TBL1XR1: variants seen among roughly 807,000 people sequenced by gnomAD.
TBL1XR1 encodes F-box-like/WD repeat-containing protein TBL1XR1.
A neutral mutation model predicts 66.9 loss-of-function variants in TBL1XR1; 5 were observed. The observed-to-expected ratio is 0.07, with a 90% confidence interval of 0.04 to 0.16. TBL1XR1 has a LOEUF of 0.16. Ranked by LOEUF, TBL1XR1 falls within the 10% of genes least tolerant of loss-of-function variation. The probability of loss-of-function intolerance (pLI) is 1.00; values close to 1 mark genes in which losing one functional copy is unlikely to be tolerated. For missense variants in TBL1XR1, 238 were observed against 623.2 expected, an observed-to-expected ratio of 0.38 and a Z score of 6.58; for synonymous variants, 210 against 206.0, an observed-to-expected ratio of 1.02 and a Z score of -0.17.
Position 177,051,512 on chromosome 3 carries a change from G to C in TBL1XR1, c.419C>G (p.Thr140Ser). The C allele has an allele frequency of 1.2e-6, 2 of 1,610,668 alleles. No homozygotes were observed. The highest frequency in any genetic ancestry group is 1.7e-6 in the Non-Finnish European group (2 of 1,178,762). The change falls in exon 5 of 16, where the codon ACT becomes AGT. Residue 140 changes from threonine to serine, a missense_variant. By Grantham distance (58) the Thr-to-Ser change is moderately conservative. This residue lies in a region of TBL1XR1 where 80 missense variants were observed against 100.5 expected (regional missense o/e 0.80). Transcript: ENST00000457928. ...TTCTTGTCTGAGCTCACTTGCTATA[G>C]TATGTGCTCCATTCTCCTCCCCATT... ...TANGEENGAH[T>S]IANNHTDMME...
intron 2 of TBL1XR1, among the ~76,000 whole-genome samples, chr3:177,096,569 C>G (rs1385328329): frequency 6.6e-6 from 1 of 152,128 alleles, no homozygotes; most frequent in Non-Finnish European, 1.5e-5. Flanking sequence ...ACTGGTTTGA[C>G]TGCCAAGGGA....
intron 1 of TBL1XR1, among the ~76,000 whole-genome samples, chr3:177,109,277 G>C (rs1046766141): frequency 6.6e-6 from 1 of 151,904 alleles, no homozygotes; most frequent in African/African-American, 2.4e-5. Flanking sequence ...CAGAAACAAA[G>C]AACCTGCACA....
At chr3:177,030,785 C>CA (rs1440957209) in intron 14 of TBL1XR1, among the ~76,000 whole-genome samples, 1 of 152,192 alleles carries the variant, frequency 6.6e-6, no homozygotes, top group African/African-American at 2.4e-5. Context: ...TCACTTTCAT[C>CA]AACTCTGTAA....
At chr3:177,098,828 T>A (rs771896460) in intron 1 of TBL1XR1, among the ~76,000 whole-genome samples, 10 of 152,234 alleles carry the variant, frequency 6.6e-5, no homozygotes, top group Non-Finnish European at 1.3e-4. Flanking sequence ...TCAACTCATG[T>A]AAATATTATT....
At chr3:177,188,907 C>T (rs1230733291) in intron 1 of TBL1XR1, among the ~76,000 whole-genome samples, 1 of 152,174 alleles carries the variant, frequency 6.6e-6, no homozygotes, top group African/African-American at 2.4e-5. Context: ...ACATTCTATA[C>T]ATAAATATTA....
rs1004120159 is a variant in TBL1XR1 at position 177,127,985 on chromosome 3, G to A, written c.-121-29444C>T. ...TGTAATCCCAGCACTTTGGGAGTCC[G>A]AAGCAAGCAGATCACTTGAGGTCAG... On this transcript the variant is annotated intron_variant, in intron 1 of 15. Coordinates refer to ENST00000457928, the MANE Select transcript of TBL1XR1 (RefSeq NM_024665.7). Among the ~76,000 whole-genome samples the A allele has an allele frequency of 5.3e-5, 8 of 152,132 alleles. No individual in the cohort carries two copies. The East Asian group carries it at 5.8e-4, about 11-fold the overall frequency.
chr3:177,151,767 G>A (rs1055212550), intron 1 of TBL1XR1, among the ~76,000 whole-genome samples: 5 of 152,164 alleles, frequency 3.3e-5, no homozygotes, highest in Non-Finnish European at 7.3e-5. Context: ...CGGGCACGGT[G>A]GCTCACACCT....
intron 1 of TBL1XR1, among the ~76,000 whole-genome samples, chr3:177,133,478 C>T (rs988813326): frequency 3.3e-5 from 5 of 152,104 alleles, no homozygotes; most frequent in African/African-American, 9.7e-5. Flanking sequence ...ACAATCTATA[C>T]TAGGCATGAT....
At chr3:177,193,090 T>C (rs191864585) in intron 1 of TBL1XR1, among the ~76,000 whole-genome samples, 44 of 150,846 alleles carry the variant, frequency 2.9e-4, no homozygotes, top group Admixed American at 2.6e-3. Flanking sequence ...GAGGCGGAGG[T>C]TGCAGTGAGC....
intron 4 of TBL1XR1, among the ~76,000 whole-genome samples, chr3:177,052,580 G>A (rs1332401137): frequency 3.9e-5 from 6 of 152,168 alleles, no homozygotes. Flanking sequence ...TAAGCGCCAT[G>A]TCAAATTTAC....
chr3:177,196,770 T>C (rs1349123161), intron 1 of TBL1XR1, among the ~76,000 whole-genome samples: 1 of 150,666 alleles, frequency 6.6e-6, no homozygotes, highest in Non-Finnish European at 1.5e-5. Context: ...AAAGGGGGTG[T>C]AAATGCACGA....
intron 1 of TBL1XR1, among the ~76,000 whole-genome samples, chr3:177,112,127 T>C (rs1795225): frequency 9.4e-6 from 1 of 106,006 alleles, no homozygotes; most frequent in Non-Finnish European, 1.9e-5. Flanking sequence ...TTTTTTTTTG[T>C]GAGGGGCTCT....
At chr3:177,089,038 T>TG (rs1332103357) in intron 2 of TBL1XR1, among the ~76,000 whole-genome samples, 1 of 152,232 alleles carries the variant, frequency 6.6e-6, no homozygotes, top group African/African-American at 2.4e-5. Context: ...AGCGACCTGT[T>TG]GGCAGGGTCA....
Position 177,112,074 on chromosome 3 carries a change from A to AATATATATATATATAT in TBL1XR1, c.-121-13549_-121-13534dup. Among the ~76,000 whole-genome samples the AATATATATATATATAT allele has an allele frequency of 2.0e-3, 81 of 40,864 alleles. 1 individual carries two copies. Among genetic ancestry groups the AATATATATATATATAT allele is most frequent in the East Asian group, 3.5e-3 (3 of 868 alleles). The allele number at this position is 40,864 out of a possible 152,430, so 26.8% of individuals were successfully genotyped here. On this transcript the variant is annotated intron_variant, in intron 1 of 15. Transcript: ENST00000457928. Reference sequence around the variant, plus strand: ...ATAAGACAACAAAGATATAAAATCAAATATATATATATATATATATATATA... The same window carrying AATATATATATATATAT: ...ATAAGACAACAAAGATATAAAATCAAATATATATATATATATATATATATATATATATATATATATA...
chr3:177,091,732 T>G (rs1222060481), intron 2 of TBL1XR1, among the ~76,000 whole-genome samples: 2 of 152,174 alleles, frequency 1.3e-5, no homozygotes, highest in African/African-American at 4.8e-5. Context: ...AGAAAGGTAT[T>G]CAAGAATACT....
intron 7 of TBL1XR1, among the ~76,000 whole-genome samples, chr3:177,048,560 G>A (rs1475405132): frequency 6.6e-6 from 1 of 152,126 alleles, no homozygotes; most frequent in East Asian, 1.9e-4. Context: ...CAAGAAGAAG[G>A]GGAGCCATGT....
At chr3:177,052,502 C>A (rs956491801) in intron 4 of TBL1XR1, among the ~76,000 whole-genome samples, 1 of 152,120 alleles carries the variant, frequency 6.6e-6, no homozygotes, top group Non-Finnish European at 1.5e-5. Context: ...ATTTCAGGAA[C>A]AGGAGAAAGT....
chr3:177,196,457 G>A, intron 1 of TBL1XR1: 1 of 150,472 alleles, frequency 6.6e-6, no homozygotes, highest in Non-Finnish European at 1.5e-5. Context: ...ACACGTCCCG[G>A]AGCAAGGCCC....
In TBL1XR1 at chr3:177,187,192, G is replaced by A. The variant is rs181797671; in HGVS notation, c.-122+9929C>T. Among the ~76,000 whole-genome samples the A allele has an allele frequency of 3.8e-3, 570 of 148,868 alleles. 19 individuals carry two copies. The highest frequency in any genetic ancestry group is 0.033 in the Admixed American group (494 of 14,834). On this transcript the variant is annotated intron_variant, in intron 1 of 15. Transcript: ENST00000457928. ...AAAAAAAAAAAAAAGTCAGGAGTTCGAGACCAACCTGGCCAACATGGCAAA... is the reference window on the plus strand; with the variant it reads ...AAAAAAAAAAAAAAGTCAGGAGTTCAAGACCAACCTGGCCAACATGGCAAA...
Sources: allele counts gnomAD v4.1 joint callset (sites outside exome capture counted in the v4.1 genomes callset), GRCh38; gene constraint gnomAD v4.1.1; regional missense constraint gnomAD v4.1.1; transcripts MANE v1.5; gene names NCBI Gene and HGNC (gene_info 2026-07-23, HGNC 2026-07-21).